ZNF800: variants seen among roughly 807,000 people sequenced by gnomAD.
ZNF800 encodes zinc finger protein 800.
ZNF800 carries 13 observed loss-of-function variants against 59.5 expected under a neutral mutation model. The ratio of observed to expected loss-of-function variants is 0.22; its 90% CI spans 0.14 to 0.35. ZNF800 has a LOEUF of 0.35. ZNF800 is among the 10% of genes least tolerant of loss of function. ZNF800 has a pLI of 1.00. For synonymous variants in ZNF800, 266 were observed against 265.7 expected, an observed-to-expected ratio of 1.00 and a Z score of -0.01; for missense variants, 621 against 783.7, an observed-to-expected ratio of 0.79 and a Z score of 2.48.
downstream of ZNF800, among the ~76,000 whole-genome samples, chr7:127,369,394 T>C (rs1455264408): frequency 6.6e-6 from 1 of 152,154 alleles, no homozygotes; most frequent in Non-Finnish European, 1.5e-5. Flanking sequence ...GTAGCCTACA[T>C]GCAGAAAAGC....
intron 1 of ZNF800, among the ~76,000 whole-genome samples, chr7:127,391,825 G>C (rs1014455359): frequency 1.3e-5 from 2 of 151,960 alleles, no homozygotes; most frequent in East Asian, 3.9e-4. Flanking sequence ...ACGCAGCCTC[G>C]GGTGCGCAGC....
intron 3 of ZNF800, among the ~76,000 whole-genome samples, chr7:127,379,088 T>C (rs1009461473): frequency 6.6e-6 from 1 of 152,100 alleles, no homozygotes; most frequent in Admixed American, 6.6e-5. Context: ...TACCACAAAA[T>C]CAGAAAACAT....
Position 127,370,462 on chromosome 7 carries a change from T to C in ZNF800, c.*1352A>G, listed in dbSNP as rs148606735. ...TTTCCAGCAATAGTTACAGTCTTTC[T>C]AGTTTCCTTTCACAGTATATTTTAG... On this transcript the variant is annotated 3_prime_UTR_variant, in exon 6 of 6. Transcript: ENST00000265827. 1 of 152,744 alleles carries C rather than the reference T, an allele frequency of 6.5e-6. No homozygotes were observed. Among genetic ancestry groups the C allele is most frequent in the African/African-American group, 2.4e-5 (1 of 41,590 alleles). The allele number at this position is 152,744 out of a possible 1,614,324, so 9.5% of individuals were successfully genotyped here. A position where few individuals can be genotyped will look rare whatever the true frequency, so the allele number is the denominator to read the frequency against.
intron 1 of ZNF800, among the ~76,000 whole-genome samples, chr7:127,348,513 C>T (rs965465681): frequency 1.3e-5 from 2 of 150,304 alleles, no homozygotes; most frequent in African/African-American, 4.9e-5. Context: ...GAATACTAAA[C>T]TGCTATTGAA....
intron 2 of ZNF800, among the ~76,000 whole-genome samples, chr7:127,386,864 T>G (rs569818850): frequency 6.6e-6 from 1 of 152,092 alleles, no homozygotes; most frequent in African/African-American, 2.4e-5. Flanking sequence ...GCAACAAACA[T>G]AGGTTATAGA....
intron 2 of ZNF800, among the ~76,000 whole-genome samples, chr7:127,387,001 A>T (rs28946582): frequency 6.6e-6 from 1 of 152,144 alleles, no homozygotes; most frequent in African/African-American, 2.4e-5. Flanking sequence ...CTCACACTTT[A>T]ATGCTGCTTC....
chr7:127,352,282 C>T (rs1158474613), intron 1 of ZNF800, among the ~76,000 whole-genome samples: 1 of 152,178 alleles, frequency 6.6e-6, no homozygotes, highest in African/African-American at 2.4e-5. Flanking sequence ...CATGTACTTA[C>T]TGTATACCAG....
intron 1 of ZNF800, among the ~76,000 whole-genome samples, chr7:127,348,648 C>T (rs1469482559): frequency 6.6e-6 from 1 of 152,178 alleles, no homozygotes; most frequent in Admixed American, 6.5e-5. Flanking sequence ...TGTGTACACA[C>T]GACACATCAC....
chr7:127,348,454 T>G (rs1037640299), intron 1 of ZNF800, among the ~76,000 whole-genome samples: 1 of 147,176 alleles, frequency 6.8e-6, no homozygotes, highest in African/African-American at 2.5e-5. Flanking sequence ...AAAATGGGAA[T>G]GTCCTACACC....
chr7:127,368,262 T>C (rs1800554386), downstream of ZNF800, among the ~76,000 whole-genome samples: 1 of 152,178 alleles, frequency 6.6e-6, no homozygotes, highest in African/African-American at 2.4e-5. Context: ...GTTTTTAATC[T>C]GCATTCTACC....
intron 1 of ZNF800, chr7:127,364,894 C>A (rs1800472826): frequency 6.6e-6 from 1 of 152,050 alleles, no homozygotes; most frequent in Non-Finnish European, 1.5e-5. Context: ...GGCTTAAGAA[C>A]AGTGTGAAAA....
intron 2 of ZNF800, 136 bp from the exon 3 acceptor site, chr7:127,386,291 T>C (rs1427125621): frequency 1.8e-5 from 9 of 486,508 alleles, no homozygotes; most frequent in African/African-American, 9.8e-5. Context: ...CACACACGCA[T>C]ATATAATATG....
chr7:127,371,947 G>A (rs1394968467), intron 5 of ZNF800, 133 bp from the exon 6 acceptor site: 1 of 584,734 alleles, frequency 1.7e-6, no homozygotes, highest in South Asian at 2.2e-5. Flanking sequence ...AAAAACGTGT[G>A]ATAATCAAAC....
chr7:127,375,654 T>C (rs1025097885), intron 4 of ZNF800, among the ~76,000 whole-genome samples: 1 of 152,042 alleles, frequency 6.6e-6, no homozygotes, highest in Non-Finnish European at 1.5e-5. Context: ...AAACAAATAA[T>C]TAAAAACTAT....
At position 127,363,147 on chromosome 7, in the gene ZNF800, A is replaced by C. The variant is rs138329721; in HGVS notation, n.224+10195T>G. 261 of 152,210 alleles carry C rather than the reference A, an allele frequency of 1.7e-3. 2 individuals are homozygous for C. Among genetic ancestry groups the C allele is most frequent in the African/African-American group, 5.9e-3 (246 of 41,546 alleles). The allele number at this position is 152,210 out of a possible 1,614,324, so 9.4% of individuals were successfully genotyped here. ...AGGAAGAAATTTTAAAAGGAAGATA[A>C]GTTTGGATTACTGAGTTTTTTGTTG... On this transcript the variant is annotated intron_variant and non_coding_transcript_variant, in intron 1 of 1. Transcript: ENST00000485577.
At chr7:127,384,466 C>T (rs1801078935) in intron 3 of ZNF800, among the ~76,000 whole-genome samples, 2 of 151,676 alleles carry the variant, frequency 1.3e-5, no homozygotes, top group African/African-American at 4.8e-5. Flanking sequence ...GATCTCCTGA[C>T]CTCGTGATCT....
intron 3 of ZNF800, among the ~76,000 whole-genome samples, chr7:127,379,861 A>ACCCCCCCCCC (rs1562907535): frequency 2.8e-4 from 1 of 3,636 alleles, no homozygotes; most frequent in African/African-American, 8.0e-4. Context: ...CACCCCCCCC[A>ACCCCCCCCCC]CACACACACA....
chr7:127,369,063 T>G (rs751305444), downstream of ZNF800, among the ~76,000 whole-genome samples: 44 of 150,336 alleles, frequency 2.9e-4, no homozygotes, highest in Non-Finnish European at 6.1e-4. Context: ...ATGGTTGTTG[T>G]GTATTCAAGG....
intron 3 of ZNF800, among the ~76,000 whole-genome samples, chr7:127,382,131 T>C (rs1016534504): frequency 2.6e-5 from 4 of 152,170 alleles, no homozygotes; most frequent in Admixed American, 6.5e-5. Flanking sequence ...ACAAATTATA[T>C]ATTTCTCTTC....
Sources: allele counts gnomAD v4.1 joint callset (sites outside exome capture counted in the v4.1 genomes callset), GRCh38; gene constraint gnomAD v4.1.1; transcripts MANE v1.5; gene names NCBI Gene and HGNC (gene_info 2026-07-23, HGNC 2026-07-21).